The following ALPK1 variants were observed in gnomAD, a reference collection of about 807,000 sequenced individuals.
ALPK1 encodes the protein alpha-protein kinase 1.
In ALPK1, 110 loss-of-function variants were observed where a neutral mutation model predicts 120.6. The ratio of observed to expected loss-of-function variants is 0.91; its 90% CI spans 0.78 to 1.07. ALPK1 has a LOEUF of 1.07. Ranked by LOEUF, ALPK1 falls within the 50% of genes least tolerant of loss-of-function variation. ALPK1 has a pLI of 0.00. For synonymous variants in ALPK1, 582 were observed against 560.3 expected (o/e 1.04, Z -0.55); for missense variants, 1,498 against 1,483.9 (o/e 1.01, Z -0.16).
At chr4:112,379,993 AGT>A (rs1731831646) in intron 3 of ALPK1, among the ~76,000 whole-genome samples, 2 of 152,190 alleles carry the variant, frequency 1.3e-5, no homozygotes, top group South Asian at 4.1e-4. Flanking sequence ...TTCACTCCAA[AGT>A]GTGATAAAAT....
intron 2 of ALPK1, chr4:112,357,321 T>C: frequency 2.2e-6 from 2 of 900,362 alleles, no homozygotes; most frequent in Non-Finnish European, 3.5e-6. Context: ...ATTGTCCAGA[T>C]TGTGTTCAGT....
intron 2 of ALPK1, among the ~76,000 whole-genome samples, chr4:112,366,390 A>G (rs1278830198): frequency 6.6e-6 from 1 of 152,200 alleles, no homozygotes; most frequent in Non-Finnish European, 1.5e-5. Flanking sequence ...GGCTAAGGAC[A>G]TGAATAGACA....
intron 2 of ALPK1, among the ~76,000 whole-genome samples, chr4:112,374,476 A>G (rs532647673): frequency 6.6e-6 from 1 of 152,246 alleles, no homozygotes; most frequent in East Asian, 1.9e-4. Flanking sequence ...GTTCCTGTTA[A>G]TGTGGATATT....
At chr4:112,407,757 C>T (rs1733255192) in intron 4 of ALPK1, among the ~76,000 whole-genome samples, 1 of 152,156 alleles carries the variant, frequency 6.6e-6, no homozygotes, top group South Asian at 2.1e-4. Context: ...GGCCTCTGAA[C>T]ATTGCTGCCC....
intron 2 of ALPK1, among the ~76,000 whole-genome samples, chr4:112,325,748 G>A (rs1729088496): frequency 6.6e-6 from 1 of 152,140 alleles, no homozygotes; most frequent in Non-Finnish European, 1.5e-5. Flanking sequence ...CTCATAATTG[G>A]AGATTGATTG....
chr4:112,327,246 A>G (rs935733706), intron 2 of ALPK1, among the ~76,000 whole-genome samples: 1 of 152,248 alleles, frequency 6.6e-6, no homozygotes, highest in Non-Finnish European at 1.5e-5. Context: ...TGTGATCTTT[A>G]ATAAACTGCA....
intron 2 of ALPK1, among the ~76,000 whole-genome samples, chr4:112,327,043 G>A (rs556055662): frequency 5.9e-5 from 9 of 152,348 alleles, no homozygotes; most frequent in East Asian, 1.9e-4. Context: ...GTAGGGAGAC[G>A]GCCCCTGCCC....
intron 2 of ALPK1, among the ~76,000 whole-genome samples, chr4:112,322,878 A>G (rs1374333415): frequency 6.6e-6 from 1 of 152,256 alleles, no homozygotes; most frequent in Non-Finnish European, 1.5e-5. Flanking sequence ...ACATTACTAA[A>G]GAGTATTTGA....
At chr4:112,357,135 G>T in intron 2 of ALPK1, 1 of 1,344,654 alleles carries the variant, frequency 7.4e-7, no homozygotes, top group Non-Finnish European at 1.0e-6. Context: ...GAGCTGCCTG[G>T]AGATGACAGC....
intron 2 of ALPK1, among the ~76,000 whole-genome samples, chr4:112,320,374 C>T (rs1728814775): frequency 1.3e-5 from 2 of 152,152 alleles, no homozygotes. Context: ...TAAACTATCC[C>T]TGCATCCCTG....
At chr4:112,323,453 A>G (rs1420945695) in intron 2 of ALPK1, among the ~76,000 whole-genome samples, 1 of 152,144 alleles carries the variant, frequency 6.6e-6, no homozygotes, top group Non-Finnish European at 1.5e-5. Flanking sequence ...ATATCACCTT[A>G]CAGATCCTGG....
intron 2 of ALPK1, chr4:112,353,107 C>A (rs1730438611): frequency 6.6e-6 from 1 of 151,990 alleles, no homozygotes; most frequent in Non-Finnish European, 1.5e-5. Context: ...TCCTGAGTAG[C>A]TGGGACCACA....
intron 4 of ALPK1, chr4:112,383,091 T>C (rs1383510371): frequency 6.5e-6 from 1 of 153,708 alleles, no homozygotes; most frequent in Non-Finnish European, 1.4e-5. Flanking sequence ...AACTCATTTA[T>C]TGGAAATTAA....
intron 2 of ALPK1, among the ~76,000 whole-genome samples, chr4:112,376,421 A>G (rs910788693): frequency 1.2e-4 from 19 of 152,156 alleles, no homozygotes; most frequent in African/African-American, 4.3e-4. Flanking sequence ...GTGTTTAAAC[A>G]CAAAGTATAT....
In ALPK1 at chr4:112,432,414, G is replaced by A. The variant is rs766418850; in HGVS notation, c.2867G>A (p.Ser956Asn). 1.2e-6 allele frequency: 2 copies of A among 1,614,162 alleles called. No homozygotes were observed. The highest frequency in any genetic ancestry group is 2.2e-5 in the East Asian group (1 of 44,880). ...SPWSYLNSSG[S>N]SWVSLPGKMR... Reference sequence around the variant, plus strand: ...TGGTCCTATCTGAATTCCAGTGGGAGTTCTTGGGTTTCATTGCCGGGAAAG... The same window carrying A: ...TGGTCCTATCTGAATTCCAGTGGGAATTCTTGGGTTTCATTGCCGGGAAAG... The change falls in exon 11 of 16, where the codon AGT becomes AAT. Residue 956 changes from serine (S) to asparagine (N), a missense_variant. Transcript: ENST00000650871.
chr4:112,411,121 C>G (rs1733432383), intron 4 of ALPK1: 1 of 154,888 alleles, frequency 6.5e-6, no homozygotes, highest in Admixed American at 6.5e-5. Context: ...CTGGAAGGAA[C>G]GTCTCTCCCT....
intron 2 of ALPK1, among the ~76,000 whole-genome samples, chr4:112,335,411 A>G (rs1432897097): frequency 6.6e-6 from 1 of 152,190 alleles, no homozygotes; most frequent in Non-Finnish European, 1.5e-5. Flanking sequence ...ATTTTGCAAA[A>G]GGTAGATATG....
intron 2 of ALPK1, among the ~76,000 whole-genome samples, chr4:112,328,804 G>A (rs1729229338): frequency 6.6e-6 from 1 of 152,182 alleles, no homozygotes; most frequent in Admixed American, 6.5e-5. Context: ...CTCATGCAGT[G>A]GCCTGGGATG....
intron 2 of ALPK1, among the ~76,000 whole-genome samples, chr4:112,333,795 A>G (rs966173381): frequency 2.0e-5 from 3 of 152,336 alleles, no homozygotes; most frequent in Non-Finnish European, 4.4e-5. Context: ...ATTCTCGTGT[A>G]GGTGTAACTT....
Sources: gnomAD v4.1 joint callset for allele counts (sites outside exome capture counted in the v4.1 genomes callset) on GRCh38, gnomAD v4.1.1 for gene constraint, MANE v1.5 for transcripts, NCBI Gene and HGNC (gene_info 2026-07-23, HGNC 2026-07-21) for gene names.